GRAMD2B: variants seen among roughly 807,000 people sequenced by gnomAD.
GRAMD2B encodes the protein GRAM domain containing 2B.
Under a neutral mutation model 59.2 loss-of-function variants are expected in GRAMD2B, and 41 were observed. The ratio of observed to expected loss-of-function variants is 0.69; its 90% CI spans 0.54 to 0.90. GRAMD2B has a LOEUF of 0.90. Ranked by LOEUF, GRAMD2B falls within the 40% of genes least tolerant of loss-of-function variation. GRAMD2B has a pLI of 0.00. For missense variants in GRAMD2B, 424 were observed against 500.5 expected, an observed-to-expected ratio of 0.85 and a Z score of 1.46; for synonymous variants, 161 against 182.7, an observed-to-expected ratio of 0.88 and a Z score of 0.96.
upstream of GRAMD2B, among the ~76,000 whole-genome samples, chr5:126,369,247 T>C (rs1471439443): frequency 1.3e-5 from 2 of 149,914 alleles, no homozygotes; most frequent in Non-Finnish European, 3.0e-5. Flanking sequence ...TCCTTTTAAC[T>C]GTAAATGCTC....
At chr5:126,469,650 T>C (rs1769170989) in intron 2 of GRAMD2B, 27 bp from the exon 3 acceptor site, 5 of 1,499,810 alleles carry the variant, frequency 3.3e-6, no homozygotes, top group African/African-American at 1.4e-5. Flanking sequence ...AATTATCTTA[T>C]AGACACCCTG....
At chr5:126,423,723 G>T in intron 1 of GRAMD2B, 34 bp downstream of exon 1, 1 of 1,573,460 alleles carries the variant, frequency 6.4e-7, no homozygotes, top group South Asian at 1.2e-5. Flanking sequence ...ATCCAAGGAG[G>T]TGGGAGGAGC....
chr5:126,481,219 GAAAGAAAGAAAGAAAGAA>G (rs1561598923), intron 8 of GRAMD2B, among the ~76,000 whole-genome samples: 23 of 85,558 alleles, frequency 2.7e-4, no homozygotes, highest in African/African-American at 5.6e-4. Context: ...AAGAAAGAAA[GAAAGAAAGAAAGAAAGAA>G]AGAAAGAAAG....
intron 1 of GRAMD2B, among the ~76,000 whole-genome samples, chr5:126,404,956 T>C (rs942412326): frequency 1.3e-5 from 2 of 151,920 alleles, no homozygotes; most frequent in African/African-American, 4.8e-5. Context: ...CAACCACTCT[T>C]TCATTTTCTA....
At chr5:126,424,966 C>T (rs1760347323) in intron 1 of GRAMD2B, among the ~76,000 whole-genome samples, 1 of 152,226 alleles carries the variant, frequency 6.6e-6, no homozygotes, top group African/African-American at 2.4e-5. Context: ...CTATGCTGTA[C>T]ACTGGTTCCT....
chr5:126,425,890 A>T (rs1486463807), intron 1 of GRAMD2B, among the ~76,000 whole-genome samples: 1 of 152,180 alleles, frequency 6.6e-6, no homozygotes, highest in Non-Finnish European at 1.5e-5. Flanking sequence ...TAGGGAGTTG[A>T]TCAGAGGGTA....
intron 1 of GRAMD2B, among the ~76,000 whole-genome samples, chr5:126,454,360 G>A (rs942554350): frequency 9.2e-5 from 14 of 152,140 alleles, no homozygotes; most frequent in South Asian, 4.1e-4. Context: ...ATTGCTGTGC[G>A]TTCCAAGGGT....
chr5:126,405,494 G>A (rs566669446), intron 1 of GRAMD2B, among the ~76,000 whole-genome samples: 1 of 151,976 alleles, frequency 6.6e-6, no homozygotes, highest in South Asian at 2.1e-4. Context: ...TCTGTGCGAG[G>A]CACAGTGCCT....
chr5:126,435,631 G>C (rs1762289529), intron 1 of GRAMD2B, among the ~76,000 whole-genome samples: 1 of 152,202 alleles, frequency 6.6e-6, no homozygotes, highest in Non-Finnish European at 1.5e-5. Flanking sequence ...TCTGTAAAGA[G>C]AGAGGGCTGA....
At chr5:126,480,597 T>A in intron 7 of GRAMD2B, 30 bp from the exon 8 acceptor site, 1 of 1,610,542 alleles carries the variant, frequency 6.2e-7, no homozygotes, top group Non-Finnish European at 8.5e-7. Context: ...ATAGTTAATC[T>A]GGCTTTTCGT....
intron 1 of GRAMD2B, among the ~76,000 whole-genome samples, chr5:126,393,031 G>A (rs543414811): frequency 1.4e-4 from 22 of 152,272 alleles, no homozygotes; most frequent in African/African-American, 5.1e-4. Context: ...TAATTACACC[G>A]CAGGACTCAA....
chr5:126,438,029 C>T (rs1364729318), intron 1 of GRAMD2B, among the ~76,000 whole-genome samples: 1 of 152,166 alleles, frequency 6.6e-6, no homozygotes, highest in African/African-American at 2.4e-5. Context: ...CCCATGTCTG[C>T]CTGTAATCTC....
chr5:126,392,103 T>C (rs998422262), intron 1 of GRAMD2B, among the ~76,000 whole-genome samples: 5 of 152,182 alleles, frequency 3.3e-5, no homozygotes, highest in Admixed American at 3.3e-4. Context: ...TTATCTGACA[T>C]TTAAGTTTTC....
At chr5:126,452,265 G>T (rs1417720884) in intron 1 of GRAMD2B, among the ~76,000 whole-genome samples, 3 of 152,052 alleles carry the variant, frequency 2.0e-5, no homozygotes, top group Non-Finnish European at 4.4e-5. Context: ...CTCATGTGGT[G>T]GAAGGGACTA....
At chr5:126,366,028 A>C (rs1754422149) in intron 1 of GRAMD2B, among the ~76,000 whole-genome samples, 1 of 152,188 alleles carries the variant, frequency 6.6e-6, no homozygotes, top group Non-Finnish European at 1.5e-5. Context: ...CAACTTTCTA[A>C]TCTTCTGGGG....
chr5:126,446,618 A>T (rs1764279337), intron 1 of GRAMD2B, among the ~76,000 whole-genome samples: 1 of 104,274 alleles, frequency 9.6e-6, no homozygotes. Context: ...GCTTTTAAAA[A>T]TTAAAAAAAA....
At chr5:126,480,840 G>A in intron 8 of GRAMD2B, 133 bp downstream of exon 8, 2 of 705,080 alleles carry the variant, frequency 2.8e-6, no homozygotes, top group Non-Finnish European at 4.9e-6. Flanking sequence ...TGAAGAAACA[G>A]GGCATATCTT....
rs185958544 is a variant in GRAMD2B, at chr5:126,480,581, G to A, written c.655-46G>A. 2.6e-4 allele frequency: 412 copies of A among 1,607,122 alleles called. No homozygotes were observed. In the African/African-American group the frequency reaches 5.0e-3, roughly 20 times the overall value. ...ACTGTCTCTCTTCTGTATTTCTTATGGTTTCATAGTTAATCTGGCTTTTCG... is the reference window on the plus strand; with the variant it reads ...ACTGTCTCTCTTCTGTATTTCTTATAGTTTCATAGTTAATCTGGCTTTTCG... On this transcript the variant is annotated intron_variant, in intron 7 of 13. Coordinates refer to ENST00000285689, the MANE Select transcript of GRAMD2B (RefSeq NM_023927.4).
Position 126,456,452 on chromosome 5 carries a change from T to C in GRAMD2B, c.84-8974T>C, listed in dbSNP as rs150900000. Among the ~76,000 whole-genome samples, 884 of 152,134 alleles carry C rather than the reference T, an allele frequency of 5.8e-3. 7 individuals are homozygous for C. The highest frequency in any genetic ancestry group is 0.02 in the African/African-American group (846 of 41,502). On this transcript the variant is annotated intron_variant, in intron 1 of 13. Coordinates refer to ENST00000285689, the MANE Select transcript of GRAMD2B (RefSeq NM_023927.4). The stretch of plus-strand genomic sequence containing the variant: ...TGGTGTCAAACTGCGGCTCAAGTGA[T>C]CCTCCCACCTCAGCCTCCCAAAGTG...
Sources: gnomAD v4.1 joint callset for allele counts (sites outside exome capture counted in the v4.1 genomes callset) on GRCh38, gnomAD v4.1.1 for gene constraint, MANE v1.5 for transcripts, NCBI Gene and HGNC (gene_info 2026-07-23, HGNC 2026-07-21) for gene names.